The following STAM variants were observed in gnomAD, a reference collection of about 807,000 sequenced individuals.
STAM encodes signal transducing adaptor molecule, also known as signal transducing adapter molecule 1.
In STAM, 16 loss-of-function variants were observed where a neutral mutation model predicts 63.4. That is an observed-to-expected ratio of 0.25 (90% CI 0.17 to 0.38). STAM has a LOEUF of 0.38. Among genes scored for constraint, STAM ranks in the 10% least tolerant of loss-of-function variants. The pLI, the probability that STAM is intolerant of heterozygous loss-of-function variation, is 1.00. For missense variants in STAM, 636 were observed against 657.1 expected, an observed-to-expected ratio of 0.97 and a Z score of 0.35; for synonymous variants, 238 against 223.9, an observed-to-expected ratio of 1.06 and a Z score of -0.56.
intron 2 of STAM, among the ~76,000 whole-genome samples, chr10:17,682,655 T>C (rs1835133234): frequency 1.3e-5 from 2 of 152,230 alleles, no homozygotes; most frequent in South Asian, 4.1e-4. Context: ...GTGTTTGTTT[T>C]ATAGGACAGA....
At chr10:17,679,579 GTTT>G (rs35190108) in intron 2 of STAM, among the ~76,000 whole-genome samples, 10 of 143,132 alleles carry the variant, frequency 7.0e-5, no homozygotes, top group African/African-American at 2.6e-4. Context: ...ATTTGCGTGT[GTTT>G]TTTTTTTTTA....
In STAM at chr10:17,679,528, G is replaced by A. The variant is rs139648467; in HGVS notation, c.126-5147G>A. On this transcript the variant is annotated intron_variant, in intron 2 of 13. Coordinates refer to ENST00000377524, the MANE Select transcript of STAM (RefSeq NM_003473.4). ...TGTGGGTTGACTTTTCTTTATTGAT[G>A]GTATCCCTTAATGCACAAAAACTTT... Among the ~76,000 whole-genome samples, 152 of 150,468 alleles carry A rather than the reference G, an allele frequency of 1.0e-3. 1 individual carries two copies. Among genetic ancestry groups the A allele is most frequent in the Admixed American group, 3.3e-3 (50 of 15,116 alleles).
At chr10:17,700,136 A>T in intron 8 of STAM, 55 bp from the exon 9 acceptor site, 1 of 1,423,716 alleles carries the variant, frequency 7.0e-7, no homozygotes, top group Non-Finnish European at 9.6e-7. Flanking sequence ...AAAGTGCTTT[A>T]AAGTAGAATT....
At chr10:17,688,000 T>C (rs1174680082) in intron 4 of STAM, 27 bp from the exon 5 acceptor site, 9 of 1,530,728 alleles carry the variant, frequency 5.9e-6, no homozygotes, top group Non-Finnish European at 6.1e-6. Context: ...AAATTGGTGC[T>C]CTTTTATTTC....
At chr10:17,675,506 A>AC in intron 2 of STAM, among the ~76,000 whole-genome samples, 1 of 151,730 alleles carries the variant, frequency 6.6e-6, no homozygotes, top group Non-Finnish European at 1.5e-5. Context: ...TCTGTCTCAA[A>AC]AAAAAAAAAA....
intron 4 of STAM, among the ~76,000 whole-genome samples, chr10:17,687,094 A>C (rs1835322961): frequency 6.6e-6 from 1 of 152,208 alleles, no homozygotes; most frequent in Non-Finnish European, 1.5e-5. Context: ...CACTACATTT[A>C]TCTCTTTCTT....
At chr10:17,660,191 A>C (rs1256806520) in intron 1 of STAM, among the ~76,000 whole-genome samples, 1 of 152,224 alleles carries the variant, frequency 6.6e-6, no homozygotes, top group African/African-American at 2.4e-5. Flanking sequence ...AGATGGTGGT[A>C]GACCTATATA....
At chr10:17,651,593 T>C (rs2131561022) in intron 1 of STAM, among the ~76,000 whole-genome samples, 1 of 152,358 alleles carries the variant, frequency 6.6e-6, no homozygotes, top group South Asian at 2.1e-4. Context: ...GCCTTTAGGT[T>C]ATCATTTCTG....
At chr10:17,710,292 G>A (rs1265530571) in intron 13 of STAM, among the ~76,000 whole-genome samples, 1 of 152,144 alleles carries the variant, frequency 6.6e-6, no homozygotes, top group African/African-American at 2.4e-5. Context: ...CCTGTTGGTA[G>A]GTGCTTTAAC....
chr10:17,677,220 A>G (rs1834893124), intron 2 of STAM, among the ~76,000 whole-genome samples: 1 of 152,190 alleles, frequency 6.6e-6, no homozygotes, highest in Non-Finnish European at 1.5e-5. Context: ...AATGTCTAAA[A>G]TAAAAAGGAA....
chr10:17,660,095 T>C lies in STAM; in HGVS notation c.41-369T>C, dbSNP rs146601820. 3.1e-3 allele frequency among the ~76,000 whole-genome samples: 472 copies of C among 152,266 alleles called. 2 individuals carry two copies. The highest frequency in any genetic ancestry group is 0.011 in the African/African-American group (456 of 41,568). ...TAGCTAAATAATTAACTTAATTACC[T>C]GAAACATTTTTATAAAGATTTACTA... On this transcript the variant is annotated intron_variant, in intron 1 of 13. Transcript: ENST00000377524.
chr10:17,667,299 A>G (rs1589044709), intron 2 of STAM, among the ~76,000 whole-genome samples: 1 of 152,064 alleles, frequency 6.6e-6, no homozygotes, highest in East Asian at 1.9e-4. Flanking sequence ...GCTATTTTGT[A>G]TTTTTAGTAG....
At chr10:17,703,591 A>T (rs1446968814) in intron 9 of STAM, among the ~76,000 whole-genome samples, 2 of 152,168 alleles carry the variant, frequency 1.3e-5, no homozygotes, top group African/African-American at 2.4e-5. Context: ...AAAAACATAA[A>T]TACATATATA....
chr10:17,709,964 C>T (rs1554829902), intron 13 of STAM, among the ~76,000 whole-genome samples: 1 of 150,144 alleles, frequency 6.7e-6, no homozygotes, highest in Non-Finnish European at 1.5e-5. Flanking sequence ...TGCACTCTTG[C>T]AGGATTTTTT....
chr10:17,674,636 T>A (rs949188063), intron 2 of STAM, among the ~76,000 whole-genome samples: 2 of 152,190 alleles, frequency 1.3e-5, no homozygotes, highest in African/African-American at 4.8e-5. Context: ...TTGTAAGTTA[T>A]GTGTCTCAGA....
intron 2 of STAM, among the ~76,000 whole-genome samples, chr10:17,673,988 A>C (rs1420837424): frequency 1.3e-5 from 2 of 151,752 alleles, no homozygotes; most frequent in Non-Finnish European, 2.9e-5. Flanking sequence ...AGCGTTGACT[A>C]AGAACAGCAG....
At chr10:17,697,981 A>G (rs1435326458) in intron 8 of STAM, among the ~76,000 whole-genome samples, 1 of 152,188 alleles carries the variant, frequency 6.6e-6, no homozygotes, top group Non-Finnish European at 1.5e-5. Context: ...AGCAGCTCCT[A>G]ATAGTGAGTC....
chr10:17,684,676 C>T lies in STAM; in HGVS notation c.127C>T (p.Pro43Ser), dbSNP rs782583780. The change falls in exon 3 of 14, where the codon CCT becomes TCT. Residue 43 changes from proline (P) to serine (S), a missense_variant and splice_region_variant. This residue lies in a region of STAM where 87 missense variants were observed against 80.3 expected (regional missense o/e 1.08). Transcript: ENST00000377524. ...CDKVGQSRTG[P>S]KDCLRSIMRR... ...TTTTTACTTTTCTCATTTTTTTAGA[C>T]CTAAGGATTGTCTTCGGTCTATTAT... 2 of 1,611,734 alleles carry T rather than the reference C, an allele frequency of 1.2e-6. No individual in the cohort carries two copies. The highest frequency in any genetic ancestry group is 1.1e-5 in the South Asian group (1 of 90,396).
chr10:17,702,773 G>GCCGA, intron 9 of STAM, among the ~76,000 whole-genome samples: 1 of 152,240 alleles, frequency 6.6e-6, no homozygotes, highest in South Asian at 2.1e-4. Flanking sequence ...ACTTCGGGAG[G>GCCGA]CCGAGGCGGG....
Sources: gnomAD v4.1 joint callset for allele counts (sites outside exome capture counted in the v4.1 genomes callset) on GRCh38, gnomAD v4.1.1 for gene constraint, gnomAD v4.1.1 regional missense constraint, MANE v1.5 for transcripts, NCBI Gene and HGNC (gene_info 2026-07-23, HGNC 2026-07-21) for gene names.